FAM13A: variants seen among roughly 807,000 people sequenced by gnomAD.
The protein encoded by FAM13A is protein FAM13A.
A neutral mutation model predicts 129.6 loss-of-function variants in FAM13A; 76 were observed. The ratio of observed to expected loss-of-function variants is 0.59; its 90% CI spans 0.49 to 0.71. The LOEUF (loss-of-function observed/expected upper bound fraction) is 0.71. Ranked by LOEUF, FAM13A falls within the 30% of genes least tolerant of loss-of-function variation. The pLI is 0.00. For missense variants in FAM13A, 1,108 were observed against 1,249.3 expected, an observed-to-expected ratio of 0.89 and a Z score of 1.70; for synonymous variants, 443 against 449.9, an observed-to-expected ratio of 0.98 and a Z score of 0.20.
intron 2 of FAM13A, among the ~76,000 whole-genome samples, chr4:89,020,984 CAT>C (rs1767183384): frequency 6.6e-6 from 1 of 152,188 alleles, no homozygotes; most frequent in Non-Finnish European, 1.5e-5. Context: ...TTCTAGAGCA[CAT>C]AACAAAAACT....
intron 2 of FAM13A, among the ~76,000 whole-genome samples, chr4:89,024,006 TTTAAGCTATGTGCTAA>T (rs1767618308): frequency 3.3e-5 from 5 of 152,350 alleles, no homozygotes; most frequent in Admixed American, 3.3e-4. Flanking sequence ...TATATTTGAT[TTTAAGCTATGTGCTAA>T]TTATCACAAA....
At chr4:88,946,596 T>G (rs986795984) in intron 4 of FAM13A, among the ~76,000 whole-genome samples, 3 of 152,122 alleles carry the variant, frequency 2.0e-5, no homozygotes, top group Admixed American at 6.5e-5. Flanking sequence ...CACTTCTTGC[T>G]GCATATAGAT....
chr4:88,894,310 G>C (rs1380496598), intron 6 of FAM13A, among the ~76,000 whole-genome samples: 1 of 151,990 alleles, frequency 6.6e-6, no homozygotes, highest in Non-Finnish European at 1.5e-5. Flanking sequence ...CTAAGTATTG[G>C]GGAAAAATTA....
At chr4:88,737,926 A>G (rs1739348150) in intron 20 of FAM13A, among the ~76,000 whole-genome samples, 1 of 152,192 alleles carries the variant, frequency 6.6e-6, no homozygotes, top group African/African-American at 2.4e-5. Flanking sequence ...TAAGCTCAGA[A>G]AGCAATACAA....
At chr4:88,973,454 A>C (rs549387175) in intron 4 of FAM13A, among the ~76,000 whole-genome samples, 1 of 152,074 alleles carries the variant, frequency 6.6e-6, no homozygotes, top group Non-Finnish European at 1.5e-5. Flanking sequence ...CTTTAAATGC[A>C]TTCTTCATTT....
chr4:88,781,767 G>A (rs973248607), intron 10 of FAM13A, among the ~76,000 whole-genome samples: 3 of 151,564 alleles, frequency 2.0e-5, no homozygotes, highest in African/African-American at 7.3e-5. Flanking sequence ...CATTTTAGTA[G>A]TGTAGAAATG....
intron 4 of FAM13A, among the ~76,000 whole-genome samples, chr4:88,952,545 A>C (rs1423691086): frequency 6.6e-6 from 1 of 152,240 alleles, no homozygotes. Context: ...CTGAAAATGT[A>C]CCAAGAAAGA....
intron 1 of FAM13A, among the ~76,000 whole-genome samples, chr4:89,053,156 G>A (rs1464910882): frequency 6.6e-6 from 1 of 152,162 alleles, no homozygotes; most frequent in African/African-American, 2.4e-5. Flanking sequence ...ACACAATTCA[G>A]TCAAATTCTT....
At chr4:89,015,599 T>A (rs1453878151) in intron 3 of FAM13A, among the ~76,000 whole-genome samples, 1 of 152,224 alleles carries the variant, frequency 6.6e-6, no homozygotes. Flanking sequence ...TATTTCCTGA[T>A]ACATCATTTT....
At chr4:88,779,164 C>T (rs575953277) in intron 11 of FAM13A, among the ~76,000 whole-genome samples, 2 of 152,108 alleles carry the variant, frequency 1.3e-5, no homozygotes, top group Non-Finnish European at 1.5e-5. Context: ...GGAATTGTTA[C>T]CTGTTTTTCT....
chr4:89,029,956 G>T, intron 1 of FAM13A: 1 of 244,038 alleles, frequency 4.1e-6, no homozygotes, highest in Non-Finnish European at 7.8e-6. Context: ...AGCACTACCT[G>T]GTTAACAGGA....
chr4:88,897,470 C>A (rs1746547287), intron 6 of FAM13A, among the ~76,000 whole-genome samples: 1 of 152,180 alleles, frequency 6.6e-6, no homozygotes. Context: ...GAGACACCAG[C>A]TGGCAGAGGG....
chr4:88,776,525 T>A (rs1406304645), intron 11 of FAM13A, among the ~76,000 whole-genome samples: 1 of 152,334 alleles, frequency 6.6e-6, no homozygotes, highest in East Asian at 1.9e-4. Context: ...TAACTATAAT[T>A]TTGAATCATT....
chr4:88,867,386 A>G (rs1197873792), intron 6 of FAM13A, among the ~76,000 whole-genome samples: 1 of 152,222 alleles, frequency 6.6e-6, no homozygotes, highest in Non-Finnish European at 1.5e-5. Flanking sequence ...TATGAACAGA[A>G]AGCACAACAT....
chr4:88,765,926 T>C (rs1745645364), intron 13 of FAM13A, among the ~76,000 whole-genome samples: 1 of 152,186 alleles, frequency 6.6e-6, no homozygotes. Flanking sequence ...GAAGAGGACT[T>C]GGCACATGGA....
chr4:88,866,677 T>G (rs1321416178), intron 6 of FAM13A, among the ~76,000 whole-genome samples: 1 of 152,164 alleles, frequency 6.6e-6, no homozygotes, highest in Non-Finnish European at 1.5e-5. Context: ...GAAATACCAA[T>G]CCACATCTAT....
At chr4:88,953,629 T>C (rs1757295691) in intron 4 of FAM13A, among the ~76,000 whole-genome samples, 1 of 152,200 alleles carries the variant, frequency 6.6e-6, no homozygotes, top group Non-Finnish European at 1.5e-5. Flanking sequence ...ATTAAGCAAC[T>C]TCCTCTTTCT....
At chr4:88,956,646 G>A (rs530681956) in intron 4 of FAM13A, among the ~76,000 whole-genome samples, 1 of 152,228 alleles carries the variant, frequency 6.6e-6, no homozygotes, top group South Asian at 2.1e-4. Context: ...TGGAGTTCTA[G>A]AGGCCAGAAG....
intron 1 of FAM13A, among the ~76,000 whole-genome samples, chr4:89,040,239 C>T (rs1297380927): frequency 6.6e-6 from 1 of 151,972 alleles, no homozygotes; most frequent in Non-Finnish European, 1.5e-5. Context: ...CAAATATATA[C>T]AAACATACAA....
Sources: gnomAD v4.1 joint callset for allele counts (sites outside exome capture counted in the v4.1 genomes callset) on GRCh38, gnomAD v4.1.1 for gene constraint, MANE v1.5 for transcripts, NCBI Gene and HGNC (gene_info 2026-07-23, HGNC 2026-07-21) for gene names.